The following AMBRA1 variants were observed in gnomAD, a reference collection of about 807,000 sequenced individuals.
AMBRA1 encodes the protein activating molecule in BECN1-regulated autophagy protein 1.
Under a neutral mutation model 125.4 loss-of-function variants are expected in AMBRA1, and 47 were observed. The ratio of observed to expected loss-of-function variants is 0.37; its 90% CI spans 0.30 to 0.48. The LOEUF (loss-of-function observed/expected upper bound fraction) is 0.48. Among genes scored for constraint, AMBRA1 ranks in the 20% least tolerant of loss-of-function variants. The pLI is 0.99. For synonymous variants in AMBRA1, 626 were observed against 655.5 expected, an observed-to-expected ratio of 0.95 and a Z score of 0.69; for missense variants, 1,331 against 1,693.4, an observed-to-expected ratio of 0.79 and a Z score of 3.76.
chr11:46,466,850 CT>C (rs947224947), intron 11 of AMBRA1, among the ~76,000 whole-genome samples: 18 of 151,938 alleles, frequency 1.2e-4, no homozygotes, highest in African/African-American at 2.2e-4. Context: ...CTTTTCAAAC[CT>C]TTTTTTTCTT....
intron 7 of AMBRA1, among the ~76,000 whole-genome samples, chr11:46,513,065 C>A (rs1951325831): frequency 6.6e-6 from 1 of 152,154 alleles, no homozygotes; most frequent in Non-Finnish European, 1.5e-5. Flanking sequence ...TGAACAAGTG[C>A]TTCAGAGACA....
chr11:46,443,628 T>G (rs1241136666), intron 11 of AMBRA1, 30 bp from the exon 12 acceptor site: 1 of 1,555,260 alleles, frequency 6.4e-7, no homozygotes, highest in Non-Finnish European at 8.9e-7. Flanking sequence ...AGACAGCACA[T>G]TATATTATTT....
intron 7 of AMBRA1, among the ~76,000 whole-genome samples, chr11:46,525,860 A>G (rs1457886997): frequency 6.6e-6 from 1 of 151,548 alleles, no homozygotes; most frequent in East Asian, 1.9e-4. Flanking sequence ...TGCAGTGAGC[A>G]GAGATCACGC....
chr11:46,407,231 T>C (rs1349286163), intron 17 of AMBRA1, among the ~76,000 whole-genome samples: 4 of 151,900 alleles, frequency 2.6e-5, no homozygotes, highest in Non-Finnish European at 4.4e-5. Flanking sequence ...TAAATAAAAA[T>C]AAAAAGAAGG....
chr11:46,540,182 T>C (rs1475721815), intron 7 of AMBRA1, among the ~76,000 whole-genome samples: 1 of 152,134 alleles, frequency 6.6e-6, no homozygotes, highest in East Asian at 1.9e-4. Flanking sequence ...TTTAAACCAC[T>C]CAGGAATTTC....
At chr11:46,512,129 T>C (rs1050865870) in intron 8 of AMBRA1, among the ~76,000 whole-genome samples, 5 of 152,260 alleles carry the variant, frequency 3.3e-5, no homozygotes, top group Non-Finnish European at 5.9e-5. Context: ...GTGATGGGAT[T>C]ACAGGCGTGA....
Position 46,429,208 on chromosome 11 carries a change from C to T in AMBRA1, c.2976+4266G>A, listed in dbSNP as rs541353564. 4.3e-4 allele frequency: 585 copies of T among 1,371,492 alleles called. 4 individuals are homozygous for T. Among genetic ancestry groups the T allele is most frequent in the African/African-American group, 3.8e-3 (263 of 69,680 alleles). 85.0% of individuals were successfully genotyped at this position (1,371,492 alleles called of 1,614,324 possible). ...CTCCCCCTCTCCCTCGGACAATCTTCGCCTACCAGCGGCCCCCTACCCCAT... is the reference window on the plus strand; with the variant it reads ...CTCCCCCTCTCCCTCGGACAATCTTTGCCTACCAGCGGCCCCCTACCCCAT... On this transcript the variant is annotated intron_variant, in intron 14 of 17. Transcript: ENST00000683756.
intron 9 of AMBRA1, among the ~76,000 whole-genome samples, chr11:46,507,489 A>T (rs1370181655): frequency 6.6e-6 from 1 of 151,818 alleles, no homozygotes; most frequent in Non-Finnish European, 1.5e-5. Context: ...AAAAAAAAAA[A>T]AAAAAAAGAT....
At chr11:46,514,623 C>T (rs1173226770) in intron 7 of AMBRA1, among the ~76,000 whole-genome samples, 1 of 152,006 alleles carries the variant, frequency 6.6e-6, no homozygotes, top group Non-Finnish European at 1.5e-5. Context: ...AGTTGTGTGA[C>T]ACAGTTTAAT....
rs1555012051 is a variant in AMBRA1 at position 46,569,440 on chromosome 11, A to AT, written c.-120-20941_-120-20940insA. Among the ~76,000 whole-genome samples the AT allele has an allele frequency of 3.4e-3, 442 of 131,348 alleles. 3 individuals carry two copies. Among genetic ancestry groups the AT allele is most frequent in the East Asian group, 8.9e-3 (42 of 4,734 alleles). The allele number at this position is 131,348 out of a possible 152,430, so 86.2% of individuals were successfully genotyped here. ...ATCACTGAGAGATTAAAAAAAAAAA[A>AT]ATATATATATATATATATATATATA... On this transcript the variant is annotated intron_variant, in intron 1 of 17. Transcript: ENST00000683756.
chr11:46,488,470 A>C (rs945883540), intron 11 of AMBRA1, among the ~76,000 whole-genome samples: 4 of 152,058 alleles, frequency 2.6e-5, no homozygotes, highest in Admixed American at 1.3e-4. Flanking sequence ...ACAAAAAAAA[A>C]AACTGACAAA....
intron 1 of AMBRA1, among the ~76,000 whole-genome samples, chr11:46,564,174 A>G (rs1203503654): frequency 2.6e-5 from 4 of 151,126 alleles, no homozygotes; most frequent in Non-Finnish European, 2.9e-5. Context: ...ACGTAAGAGC[A>G]ATCTTAAAGC....
intron 11 of AMBRA1, among the ~76,000 whole-genome samples, chr11:46,470,010 A>T (rs1442522271): frequency 6.6e-6 from 1 of 152,086 alleles, no homozygotes; most frequent in Non-Finnish European, 1.5e-5. Flanking sequence ...ATAATCTAAT[A>T]TCCATACTTG....
intron 15 of AMBRA1, among the ~76,000 whole-genome samples, chr11:46,417,357 G>A (rs1490351922): frequency 6.6e-6 from 1 of 152,078 alleles, no homozygotes; most frequent in Non-Finnish European, 1.5e-5. Flanking sequence ...GCCCCAAATT[G>A]AGCTTTTCAA....
Position 46,581,651 on chromosome 11 carries a change from T to C in AMBRA1, c.-121+12177A>G, listed in dbSNP as rs528831916. On this transcript the variant is annotated intron_variant, in intron 1 of 17. Transcript: ENST00000683756. The stretch of plus-strand genomic sequence containing the variant: ...CATAAATAAATACACAAATAAATAA[T>C]TACCCACATGTGGTGGCACGTGCCT... 2.8e-4 allele frequency among the ~76,000 whole-genome samples: 43 copies of C among 151,632 alleles called. No individual in the cohort carries two copies. In the South Asian group the frequency reaches 9.0e-3, roughly 32 times the overall value.
chr11:46,472,151 C>G (rs1949623994), intron 11 of AMBRA1, among the ~76,000 whole-genome samples: 1 of 152,228 alleles, frequency 6.6e-6, no homozygotes, highest in Admixed American at 6.5e-5. Context: ...CTTACCTCCT[C>G]CTTACTGCTG....
At chr11:46,589,688 C>A (rs1282992888) in intron 1 of AMBRA1, among the ~76,000 whole-genome samples, 1 of 151,910 alleles carries the variant, frequency 6.6e-6, no homozygotes, top group Non-Finnish European at 1.5e-5. Flanking sequence ...GGTGCTAACT[C>A]GGCTAACTGC....
intron 1 of AMBRA1, among the ~76,000 whole-genome samples, chr11:46,553,744 CAA>C (rs113211612): frequency 1.4e-5 from 2 of 144,482 alleles, no homozygotes; most frequent in Non-Finnish European, 3.0e-5. Flanking sequence ...GACTCCATCT[CAA>C]AAAAAAAACA....
At chr11:46,431,971 ATGTTACC>A (rs1947473894) in intron 14 of AMBRA1, among the ~76,000 whole-genome samples, 1 of 152,200 alleles carries the variant, frequency 6.6e-6, no homozygotes. Flanking sequence ...ACATGATGTT[ATGTTACC>A]CATCATTGGT....
Sources: allele counts gnomAD v4.1 joint callset (sites outside exome capture counted in the v4.1 genomes callset), GRCh38; gene constraint gnomAD v4.1.1; transcripts MANE v1.5; gene names NCBI Gene and HGNC (gene_info 2026-07-23, HGNC 2026-07-21).